The following ACSL3 variants were observed in gnomAD, a reference collection of about 807,000 sequenced individuals.
The protein encoded by ACSL3 is fatty acid CoA ligase Acsl3.
A neutral mutation model predicts 84.7 loss-of-function variants in ACSL3; 34 were observed. The observed-to-expected ratio is 0.40, with a 90% CI of 0.31 to 0.53. The LOEUF (loss-of-function observed/expected upper bound fraction) is 0.53, where lower values mean the gene tolerates loss of function less well. Among genes scored for constraint, ACSL3 ranks in the 20% least tolerant of loss-of-function variants. The pLI, the probability that ACSL3 is intolerant of heterozygous loss-of-function variation, is 0.48. For missense variants in ACSL3, 680 were observed against 873.1 expected (o/e 0.78, Z 2.79); for synonymous variants, 315 against 299.4 (o/e 1.05, Z -0.54).
rs367560684 is a variant in ACSL3, at chr2:222,934,697, C to T, written c.2005+10C>T. 4.2e-5 allele frequency: 67 copies of T among 1,602,804 alleles called. No individual in the cohort carries two copies. Among genetic ancestry groups the T allele is most frequent in the Non-Finnish European group, 4.9e-5 (58 of 1,176,364 alleles). On this transcript the variant is annotated intron_variant, in intron 16 of 16. Coordinates refer to ENST00000357430, the MANE Select transcript of ACSL3 (RefSeq NM_004457.5). ...GAAGCTGCTATTTCAGGTGAGTATT[C>T]GGTTAAACTGATACTAAAAACTGAG...
In ACSL3 at chr2:222,941,877, T is replaced by C; in HGVS notation, c.*223T>C. 2.2e-6 allele frequency: 1 copy of C among 451,758 alleles called. No individual in the cohort carries two copies. Among genetic ancestry groups the C allele is most frequent in the Non-Finnish European group, 3.9e-6 (1 of 259,476 alleles). 28.0% of individuals were successfully genotyped at this position (451,758 alleles called of 1,614,324 possible). ...CCCGCCACCAACTTACTTTACCACC[T>C]ATGACTGTACTTGTCAGTATGAGAA... On this transcript the variant is annotated 3_prime_UTR_variant, in exon 17 of 17. Transcript: ENST00000357430.
chr2:222,932,139 T>C (rs143754386), intron 14 of ACSL3, among the ~76,000 whole-genome samples: 51 of 152,304 alleles, frequency 3.3e-4, no homozygotes, highest in African/African-American at 1.1e-3. Context: ...AGCGCTACCA[T>C]TGTAGTACCA....
At chr2:222,864,952 T>C (rs1192784593) in intron 1 of ACSL3, among the ~76,000 whole-genome samples, 1 of 152,242 alleles carries the variant, frequency 6.6e-6, no homozygotes, top group Non-Finnish European at 1.5e-5. Context: ...AGTTGACTCA[T>C]GACAGTCTTT....
intron 7 of ACSL3, chr2:222,921,044 TG>T (rs1696721329): frequency 1.6e-6 from 1 of 617,244 alleles, no homozygotes; most frequent in South Asian, 1.5e-5. Context: ...CTTCTCACCT[TG>T]TCTTGCTTCA....
chr2:222,907,981 G>T (rs569304479), intron 3 of ACSL3, among the ~76,000 whole-genome samples: 1 of 152,010 alleles, frequency 6.6e-6, no homozygotes, highest in South Asian at 2.1e-4. Flanking sequence ...TCACCATCTG[G>T]CACGTACACA....
At chr2:222,896,623 GC>G (rs1246238208) in intron 2 of ACSL3, among the ~76,000 whole-genome samples, 3 of 9,992 alleles carry the variant, frequency 3.0e-4, no homozygotes, top group Non-Finnish European at 2.9e-4. Flanking sequence ...GGGCAGAGGG[GC>G]TCCTCACTTC....
At chr2:222,863,411 T>C (rs1012575871) in intron 1 of ACSL3, among the ~76,000 whole-genome samples, 3 of 152,212 alleles carry the variant, frequency 2.0e-5, no homozygotes, top group African/African-American at 7.2e-5. Context: ...ACAGTGTATT[T>C]CATACTCAGA....
chr2:222,886,055 GTTTA>G (rs1421798686), intron 1 of ACSL3, among the ~76,000 whole-genome samples: 3 of 151,962 alleles, frequency 2.0e-5, no homozygotes, highest in Non-Finnish European at 4.4e-5. Context: ...AAAAAAAAAA[GTTTA>G]TTTATTATTT....
chr2:222,907,084 G>A (rs913489643), intron 3 of ACSL3, among the ~76,000 whole-genome samples: 1 of 152,174 alleles, frequency 6.6e-6, no homozygotes, highest in African/African-American at 2.4e-5. Context: ...ACAGCAGCTT[G>A]ATTTTCTTAT....
intron 4 of ACSL3, among the ~76,000 whole-genome samples, chr2:222,912,910 C>T (rs1696482817): frequency 6.6e-6 from 1 of 152,220 alleles, no homozygotes; most frequent in Non-Finnish European, 1.5e-5. Context: ...CCTGTGTCAG[C>T]ATCACCTGAT....
At chr2:222,903,997 G>T (rs1283380269) in intron 3 of ACSL3, among the ~76,000 whole-genome samples, 2 of 152,132 alleles carry the variant, frequency 1.3e-5, no homozygotes, top group African/African-American at 4.8e-5. Flanking sequence ...ATGGTCGGCT[G>T]GGCGCGGTGG....
intron 10 of ACSL3, 63 bp from the exon 11 acceptor site, chr2:222,924,393 C>A: frequency 7.3e-7 from 1 of 1,370,732 alleles, no homozygotes; most frequent in Non-Finnish European, 9.8e-7. Flanking sequence ...TAATCTAATG[C>A]TAAGTGAATA....
At chr2:222,914,545 A>G (rs1696527168) in intron 4 of ACSL3, among the ~76,000 whole-genome samples, 1 of 152,168 alleles carries the variant, frequency 6.6e-6, no homozygotes, top group Middle Eastern at 3.2e-3. Flanking sequence ...TACAGGCATG[A>G]GCCAGTGCAC....
In ACSL3 at chr2:222,941,531, T is replaced by A. The variant is rs1366632518; in HGVS notation, c.2040T>A (p.Ile680=). 2 of 1,609,576 alleles carry A rather than the reference T, an allele frequency of 1.2e-6. No homozygotes were observed. Among genetic ancestry groups the A allele is most frequent in the South Asian group, 2.2e-5 (2 of 89,862 alleles). ...SLEKFEIPVK[I]RLSPEPWTPE... The stretch of plus-strand genomic sequence containing the variant: ...AAAAGTTTGAAATTCCAGTAAAAAT[T>A]CGTTTGAGTCCTGAACCGTGGACCC... Residue 680 remains isoleucine (I), a synonymous_variant, in exon 17 of 17, where the codon ATT becomes ATA. Transcript: ENST00000357430.
rs1265650653 is a variant in ACSL3 at position 222,882,834 on chromosome 2, C to G, written c.-206-4996C>G. On this transcript the variant is annotated intron_variant, in intron 1 of 16. Coordinates refer to ENST00000357430, the MANE Select transcript of ACSL3 (RefSeq NM_004457.5). ...GCTGGCTGGAGTGCAGTGGCATGATCTTGGCTTACTGCAAGCTCTGCCTCC... is the reference window on the plus strand; with the variant it reads ...GCTGGCTGGAGTGCAGTGGCATGATGTTGGCTTACTGCAAGCTCTGCCTCC... Among the ~76,000 whole-genome samples, 6 of 138,046 alleles carry G rather than the reference C, an allele frequency of 4.3e-5. No homozygotes were observed. In the East Asian group the frequency reaches 1.2e-3, roughly 27 times the overall value. The allele number at this position is 138,046 out of a possible 152,430, so 90.6% of individuals were successfully genotyped here.
intron 1 of ACSL3, among the ~76,000 whole-genome samples, chr2:222,878,370 A>C (rs1028982353): frequency 1.3e-5 from 2 of 152,206 alleles, no homozygotes; most frequent in African/African-American, 4.8e-5. Context: ...TTGTGAAGGC[A>C]GGAAAGCGAT....
rs1214345411 is a variant in ACSL3, at chr2:222,943,592, CTATT to C, written c.*1941_*1944del. On this transcript the variant is annotated 3_prime_UTR_variant, in exon 17 of 17. Transcript: ENST00000357430. The stretch of plus-strand genomic sequence containing the variant: ...CCATCTAATGAGGCAGGCTTAAACT[CTATT>C]TAGTTTCGTTTGTTTTCTCATATGA... 2.6e-5 allele frequency: 4 copies of C among 154,292 alleles called. No individual in the cohort carries two copies. The allele number at this position is 154,292 out of a possible 1,614,324, so 9.6% of individuals were successfully genotyped here. A position where few individuals can be genotyped will look rare whatever the true frequency, so the allele number is the denominator to read the frequency against.
intron 3 of ACSL3, among the ~76,000 whole-genome samples, chr2:222,901,731 G>A (rs1696155551): frequency 6.7e-6 from 1 of 150,242 alleles, no homozygotes; most frequent in Non-Finnish European, 1.5e-5. Context: ...CGGATCACAA[G>A]GTCAAGAGAT....
In ACSL3 at chr2:222,921,370, T is replaced by G; in HGVS notation, c.896T>G (p.Ile299Ser). The change falls in exon 8 of 17, where the codon ATC becomes AGC. Residue 299 changes from isoleucine (I) to serine (S), a missense_variant. Physicochemically the swap from Ile to Ser is moderately radical, Grantham distance 142. This residue lies in a region of ACSL3 where 347 missense variants were observed against 525.7 expected (regional missense o/e 0.66). Coordinates refer to ENST00000357430, the MANE Select transcript of ACSL3 (RefSeq NM_004457.5). ...GSTGLPKGVM[I>S]SHSNIIAGIT... ...ACAGGACTTCCAAAGGGAGTCATGA[T>G]CTCACATAGTAACATTATTGCTGGT... The G allele has an allele frequency of 6.2e-7, 1 of 1,604,114 alleles. No homozygotes were observed. The highest frequency in any genetic ancestry group is 1.1e-5 in the South Asian group (1 of 90,756).
Sources: allele counts gnomAD v4.1 joint callset (sites outside exome capture counted in the v4.1 genomes callset), GRCh38; gene constraint gnomAD v4.1.1; regional missense constraint gnomAD v4.1.1; transcripts MANE v1.5; gene names NCBI Gene and HGNC (gene_info 2026-07-23, HGNC 2026-07-21).